The following SPAG16 variants were observed in gnomAD, a reference collection of about 807,000 sequenced individuals.
The protein encoded by SPAG16 is sperm-associated antigen 16 protein.
In SPAG16, 86 loss-of-function variants were observed where a neutral mutation model predicts 80.4. The observed-to-expected ratio is 1.07, with a 90% CI of 0.90 to 1.28. The LOEUF (loss-of-function observed/expected upper bound fraction) is 1.28, where lower values mean the gene tolerates loss of function less well. Ranked by LOEUF, SPAG16 falls within the 50% of genes most tolerant of loss-of-function variation. SPAG16 has a pLI of 0.00. For missense variants in SPAG16, 870 were observed against 765.3 expected (o/e 1.14, Z -1.61); for synonymous variants, 294 against 265.9 (o/e 1.11, Z -1.03).
intron 15 of SPAG16, among the ~76,000 whole-genome samples, chr2:214,215,157 C>A (rs1356175300): frequency 1.3e-5 from 2 of 151,996 alleles, no homozygotes; most frequent in Non-Finnish European, 2.9e-5. Flanking sequence ...TCATAGATGA[C>A]CCCCTTGTTC....
chr2:214,070,114 CTT>C (rs2050720770), intron 13 of SPAG16, among the ~76,000 whole-genome samples: 1 of 149,616 alleles, frequency 6.7e-6, no homozygotes, highest in African/African-American at 2.5e-5. Context: ...TGAAATACCT[CTT>C]TGTGCATTAA....
chr2:213,310,208 T>C, intron 4 of SPAG16, 31 bp downstream of exon 4: 1 of 1,423,462 alleles, frequency 7.0e-7, no homozygotes, highest in Non-Finnish European at 9.8e-7. Context: ...ATAGTTCTCT[T>C]AAAATTCTAA....
chr2:214,328,444 T>C (rs1696652666), intron 15 of SPAG16, among the ~76,000 whole-genome samples: 2 of 152,184 alleles, frequency 1.3e-5, no homozygotes, highest in Admixed American at 6.5e-5. Flanking sequence ...ATTACAGGCG[T>C]GAGCCACCAT....
chr2:213,804,608 T>A (rs995978461), intron 10 of SPAG16, among the ~76,000 whole-genome samples: 1 of 152,042 alleles, frequency 6.6e-6, no homozygotes, highest in African/African-American at 2.4e-5. Flanking sequence ...GCGTGAACCC[T>A]GGAGGCGGAG....
At chr2:213,821,407 TTC>T (rs1231486519) in intron 10 of SPAG16, among the ~76,000 whole-genome samples, 1 of 152,226 alleles carries the variant, frequency 6.6e-6, no homozygotes, top group East Asian at 1.9e-4. Flanking sequence ...TGTTATTAAG[TTC>T]TTTTTTAAAT....
At chr2:213,311,424 G>C (rs1250296784) in intron 4 of SPAG16, among the ~76,000 whole-genome samples, 1 of 151,606 alleles carries the variant, frequency 6.6e-6, no homozygotes, top group Non-Finnish European at 1.5e-5. Context: ...AGTGTAAAAT[G>C]ATTTTCTTAG....
chr2:213,417,676 A>G (rs1354079765), intron 9 of SPAG16, among the ~76,000 whole-genome samples: 1 of 152,204 alleles, frequency 6.6e-6, no homozygotes, highest in Non-Finnish European at 1.5e-5. Context: ...TTAAGGCATA[A>G]CGAAGAAACT....
intron 15 of SPAG16, among the ~76,000 whole-genome samples, chr2:214,317,447 C>A (rs920723869): frequency 6.6e-6 from 1 of 152,166 alleles, no homozygotes; most frequent in Non-Finnish European, 1.5e-5. Flanking sequence ...ATCGTTCTCA[C>A]GTTTTAGAGA....
Position 213,770,058 on chromosome 2 carries a change from A to T in SPAG16, c.1071-92427A>T, listed in dbSNP as rs140679465. ...AGCATGAAGATTTGAAGATTTGTCC[A>T]TGTTGTTGCTTATATCAATGCTCTG... is the stretch of plus-strand genomic sequence containing the variant. On this transcript the variant is annotated intron_variant, in intron 10 of 15. Transcript: ENST00000331683. Among the ~76,000 whole-genome samples the T allele has an allele frequency of 9.2e-5, 14 of 152,236 alleles. No homozygotes were observed. In the East Asian group the frequency reaches 2.7e-3, roughly 29 times the overall value.
At chr2:213,974,146 A>G (rs542163186) in intron 12 of SPAG16, among the ~76,000 whole-genome samples, 77 of 152,206 alleles carry the variant, frequency 5.1e-4, no homozygotes, top group African/African-American at 1.8e-3. Flanking sequence ...CTATTTGTAG[A>G]GTTTTGGTGG....
At chr2:213,872,057 G>A (rs991590389) in intron 11 of SPAG16, among the ~76,000 whole-genome samples, 7 of 152,134 alleles carry the variant, frequency 4.6e-5, no homozygotes, top group Admixed American at 2.0e-4. Context: ...ATATGACAAA[G>A]TGCCATTAAA....
At chr2:213,354,100 T>C (rs1253585756) in intron 7 of SPAG16, among the ~76,000 whole-genome samples, 8 of 152,170 alleles carry the variant, frequency 5.3e-5, no homozygotes, top group South Asian at 4.1e-4. Context: ...GTGTTCTCAT[T>C]GTTCGTTTCC....
chr2:214,358,533 A>T (rs761343392), intron 15 of SPAG16, among the ~76,000 whole-genome samples: 66 of 151,566 alleles, frequency 4.4e-4, no homozygotes, highest in South Asian at 6.2e-4. Context: ...CATTTGGTTT[A>T]TCATATTATC....
chr2:214,017,444 TTCTC>T (rs552896841), intron 13 of SPAG16, among the ~76,000 whole-genome samples: 1 of 152,266 alleles, frequency 6.6e-6, no homozygotes, highest in East Asian at 1.9e-4. Flanking sequence ...CAAGGTTTTT[TTCTC>T]TCTCTCTCAA....
At chr2:214,082,079 C>G (rs1336014461) in intron 13 of SPAG16, among the ~76,000 whole-genome samples, 1 of 152,122 alleles carries the variant, frequency 6.6e-6, no homozygotes, top group Non-Finnish European at 1.5e-5. Context: ...TGGCACTAAA[C>G]CTTGCCTTTC....
At chr2:214,086,637 T>C (rs2051781385) in intron 13 of SPAG16, among the ~76,000 whole-genome samples, 1 of 152,120 alleles carries the variant, frequency 6.6e-6, no homozygotes, top group African/African-American at 2.4e-5. Flanking sequence ...TCCCCAGCCA[T>C]GTGGAACTAT....
intron 15 of SPAG16, among the ~76,000 whole-genome samples, chr2:214,337,875 A>G (rs73989431): frequency 0.02 from 3,084 of 152,236 alleles, 92 homozygotes; most frequent in African/African-American, 0.07. Context: ...AAGACAATAA[A>G]CCAGGTGACT....
intron 10 of SPAG16, among the ~76,000 whole-genome samples, chr2:213,534,337 G>A (rs1041810855): frequency 7.2e-5 from 11 of 152,006 alleles, no homozygotes; most frequent in South Asian, 2.1e-4. Flanking sequence ...GCAATTTCTC[G>A]AAAGGTTAAA....
rs147819455 is a variant in SPAG16 at position 214,055,617 on chromosome 2, T to C, written c.1527+41540T>C. Among the ~76,000 whole-genome samples the C allele has an allele frequency of 3.8e-3, 572 of 152,282 alleles. 1 individual carries two copies. Among genetic ancestry groups the C allele is most frequent in the Non-Finnish European group, 6.1e-3 (416 of 68,000 alleles). On this transcript the variant is annotated intron_variant, in intron 13 of 15. Transcript: ENST00000331683. ...GTCTAAAATGTAGGAGACAGAGATT[T>C]AAATCATTTAGATAAACATCTGCCT...
Sources: allele counts gnomAD v4.1 joint callset (sites outside exome capture counted in the v4.1 genomes callset), GRCh38; gene constraint gnomAD v4.1.1; transcripts MANE v1.5; gene names NCBI Gene and HGNC (gene_info 2026-07-23, HGNC 2026-07-21).